NAV2: variants seen among roughly 807,000 people sequenced by gnomAD.
NAV2 encodes the protein neuron navigator 2.
In NAV2, 54 loss-of-function variants were observed where a neutral mutation model predicts 223.2. The observed-to-expected ratio is 0.24, with a 90% confidence interval of 0.19 to 0.30. NAV2 has a LOEUF of 0.30. Ranked by LOEUF, NAV2 falls within the 10% of genes least tolerant of loss-of-function variation. The pLI is 1.00. For missense variants in NAV2, 2,806 were observed against 3,147.5 expected, an observed-to-expected ratio of 0.89 and a Z score of 2.60; for synonymous variants, 1,279 against 1,239.3, an observed-to-expected ratio of 1.03 and a Z score of -0.67.
chr11:19,431,124 A>G (rs569860613), intron 1 of NAV2, among the ~76,000 whole-genome samples: 1 of 152,360 alleles, frequency 6.6e-6, no homozygotes, highest in South Asian at 2.1e-4. Context: ...AGCTGCCCAC[A>G]GCTAGTTTCC....
At chr11:20,043,831 G>A in intron 12 of NAV2, 150 bp from the exon 13 acceptor site, 4 of 623,674 alleles carry the variant, frequency 6.4e-6, no homozygotes, top group South Asian at 2.6e-5. Context: ...TTTCTAACAA[G>A]ATAACCAGAG....
intron 6 of NAV2, among the ~76,000 whole-genome samples, chr11:19,922,824 C>T (rs1208932894): frequency 6.6e-6 from 1 of 152,168 alleles, no homozygotes; most frequent in Non-Finnish European, 1.5e-5. Flanking sequence ...TGCAGCAAAG[C>T]AAGATCCTCA....
At chr11:19,643,470 C>T (rs995605290) in intron 1 of NAV2, among the ~76,000 whole-genome samples, 4 of 152,038 alleles carry the variant, frequency 2.6e-5, no homozygotes, top group Non-Finnish European at 4.4e-5. Context: ...CAGCTTCATC[C>T]GTGTCCCCAC....
intron 1 of NAV2, among the ~76,000 whole-genome samples, chr11:19,694,648 C>T (rs1403314208): frequency 6.6e-6 from 1 of 152,212 alleles, no homozygotes; most frequent in East Asian, 1.9e-4. Flanking sequence ...CTGTCACTTC[C>T]AATGCCCTTA....
intron 1 of NAV2, among the ~76,000 whole-genome samples, chr11:19,462,102 C>T (rs1852188085): frequency 6.6e-6 from 1 of 152,180 alleles, no homozygotes; most frequent in Admixed American, 6.5e-5. Flanking sequence ...AGCCACCGCA[C>T]CCAGCCGAAA....
intron 1 of NAV2, among the ~76,000 whole-genome samples, chr11:19,496,991 T>G (rs963605205): frequency 6.6e-6 from 1 of 152,190 alleles, no homozygotes; most frequent in Non-Finnish European, 1.5e-5. Flanking sequence ...TACCTAATCT[T>G]TCTATGCCTT....
chr11:19,708,475 T>C (rs373434198), upstream of NAV2, among the ~76,000 whole-genome samples: 32 of 152,322 alleles, frequency 2.1e-4, 4 homozygotes, highest in Middle Eastern at 3.4e-3. Context: ...CTGCATTTTT[T>C]TGTGACAGGC....
At chr11:19,469,407 C>T (rs1196478965) in intron 1 of NAV2, among the ~76,000 whole-genome samples, 2 of 152,214 alleles carry the variant, frequency 1.3e-5, no homozygotes, top group Non-Finnish European at 2.9e-5. Flanking sequence ...CAGAGGATTT[C>T]GTACACTCTG....
At position 19,933,790 on chromosome 11, in the gene NAV2, C is replaced by T. The variant is rs200051834; in HGVS notation, c.1546C>T (p.Leu516Phe). The T allele has an allele frequency of 1.2e-6, 2 of 1,614,110 alleles. No individual in the cohort carries two copies. Among genetic ancestry groups the T allele is most frequent in the East Asian group, 2.2e-5 (1 of 44,874 alleles). The stretch of plus-strand genomic sequence containing the variant: ...AGCCTCTGTGACGGAGAGGCTGGAC[C>T]TCAAGGAGGAGCCAAAAGAAGACCC... The part of the protein sequence containing the change: ...KRASVTERLD[L>F]KEEPKEDPSG... Residue 516 changes from leucine to phenylalanine, a missense_variant, in exon 7 of 38, where the codon CTC becomes TTC. Physicochemically the swap from Leu to Phe is conservative, Grantham distance 22. Transcript: ENST00000349880. The surrounding 1 kb of genome is among the most constrained non-coding windows in gnomAD (Gnocchi z 4.3).
intron 1 of NAV2, among the ~76,000 whole-genome samples, chr11:19,651,428 T>C (rs1411993729): frequency 6.6e-6 from 1 of 152,198 alleles, no homozygotes; most frequent in African/African-American, 2.4e-5. Flanking sequence ...ATGAAACATA[T>C]AATGTGCCAT....
At chr11:19,400,899 A>G (rs1564907583) in intron 1 of NAV2, among the ~76,000 whole-genome samples, 1 of 152,202 alleles carries the variant, frequency 6.6e-6, no homozygotes, top group Non-Finnish European at 1.5e-5. Flanking sequence ...CTGACCAGCT[A>G]GTATGTAATT....
chr11:20,019,786 C>G (rs2054333194), intron 11 of NAV2, among the ~76,000 whole-genome samples: 1 of 151,896 alleles, frequency 6.6e-6, no homozygotes, highest in Non-Finnish European at 1.5e-5. Context: ...TCGATGCTAC[C>G]TGCTGCTGAA....
At chr11:20,093,276 AACCTCTATC>A in intron 29 of NAV2, 77 bp downstream of exon 29, 1 of 941,538 alleles carries the variant, frequency 1.1e-6, no homozygotes, top group South Asian at 1.4e-5. Context: ...CTAATTGTAA[AACCTCTATC>A]ACCTTGGAGC....
At chr11:19,626,036 A>T (rs2047160231) in intron 1 of NAV2, among the ~76,000 whole-genome samples, 2 of 152,050 alleles carry the variant, frequency 1.3e-5, no homozygotes, top group African/African-American at 4.8e-5. Flanking sequence ...TTGCTATTTG[A>T]TATAATCCCA....
At chr11:19,575,517 C>A (rs2045546851) in intron 1 of NAV2, 1 of 153,122 alleles carries the variant, frequency 6.5e-6, no homozygotes, top group Non-Finnish European at 1.5e-5. Flanking sequence ...CCACTCCACA[C>A]CTTTGCCTGC....
At chr11:19,956,126 T>G (rs1033934064) in intron 10 of NAV2, among the ~76,000 whole-genome samples, 15 of 152,182 alleles carry the variant, frequency 9.9e-5, no homozygotes, top group African/African-American at 3.1e-4. Context: ...CAAGGAAAGG[T>G]AAAGACTCAG....
At position 19,427,722 on chromosome 11, in the gene NAV2, T is replaced by C. The variant is rs554236647; in HGVS notation, c.75+76695T>C. On this transcript the variant is annotated intron_variant, in intron 1 of 37. Transcript: ENST00000360655. ...ATTTACCATTCTAACATGTGAAAAA[T>C]GGCATTTTGATGTGATTTTACTTTT... Among the ~76,000 whole-genome samples, 12 of 152,302 alleles carry C rather than the reference T, an allele frequency of 7.9e-5. No individual in the cohort carries two copies. In the East Asian group the frequency reaches 1.5e-3, roughly 20 times the overall value.
intron 11 of NAV2, among the ~76,000 whole-genome samples, chr11:20,024,142 C>T (rs1026609387): frequency 5.3e-5 from 8 of 152,070 alleles, no homozygotes; most frequent in African/African-American, 1.4e-4. Context: ...GGATGAAGGG[C>T]GTACTTTGTT....
At chr11:19,625,655 T>C (rs1456348191) in intron 1 of NAV2, among the ~76,000 whole-genome samples, 6 of 152,222 alleles carry the variant, frequency 3.9e-5, no homozygotes, top group African/African-American at 1.4e-4. Flanking sequence ...GTACTAGTTT[T>C]CGTTCCCACC....
Sources: allele counts gnomAD v4.1 joint callset (sites outside exome capture counted in the v4.1 genomes callset), GRCh38; gene constraint gnomAD v4.1.1; non-coding constraint Gnocchi (gnomAD v3.1); transcripts MANE v1.5; gene names NCBI Gene and HGNC (gene_info 2026-07-23, HGNC 2026-07-21).